The following PCDHGB6 variants were observed in gnomAD, a reference collection of about 807,000 sequenced individuals.
The protein encoded by PCDHGB6 is protocadherin gamma subfamily B, 6.
PCDHGB6 carries 51 observed loss-of-function variants against 59.1 expected under a neutral mutation model. The observed-to-expected ratio is 0.86, with a 90% CI of 0.69 to 1.09. The LOEUF (loss-of-function observed/expected upper bound fraction) is 1.09. PCDHGB6 is among the 50% of genes least tolerant of loss of function. The pLI, the probability that PCDHGB6 is intolerant of heterozygous loss-of-function variation, is 0.00. For synonymous variants in PCDHGB6, 466 were observed against 495.1 expected, an observed-to-expected ratio of 0.94 and a Z score of 0.78; for missense variants, 1,148 against 1,205.1, an observed-to-expected ratio of 0.95 and a Z score of 0.70.
intron 1 of PCDHGB6, among the ~76,000 whole-genome samples, chr5:141,475,299 T>C (rs1227132122): frequency 6.6e-6 from 1 of 152,204 alleles, no homozygotes; most frequent in Non-Finnish European, 1.5e-5. Context: ...AAATTTCTTA[T>C]TGCTCCCTGG....
intron 1 of PCDHGB6, among the ~76,000 whole-genome samples, chr5:141,457,836 C>T (rs1418402508): frequency 6.6e-6 from 1 of 152,202 alleles, no homozygotes; most frequent in African/African-American, 2.4e-5. Context: ...GCTTCCAGAC[C>T]TGTTAGAAAG....
At chr5:141,478,299 G>A (rs201916687) in intron 1 of PCDHGB6, 1 of 1,614,056 alleles carries the variant, frequency 6.2e-7, no homozygotes, top group Non-Finnish European at 8.5e-7. Flanking sequence ...GACCTATACC[G>A]AGCCCCGGTG....
At chr5:141,418,742 G>GA in intron 1 of PCDHGB6, 1 of 1,613,896 alleles carries the variant, frequency 6.2e-7, no homozygotes, top group Non-Finnish European at 8.5e-7. Flanking sequence ...GTTCTCTCTG[G>GA]ATTACACTAC....
At chr5:141,507,786 GTCTAAGCC>G (rs1279265471) in intron 3 of PCDHGB6, among the ~76,000 whole-genome samples, 1 of 152,174 alleles carries the variant, frequency 6.6e-6, no homozygotes, top group Admixed American at 6.5e-5. Flanking sequence ...CCTGACCCTC[GTCTAAGCC>G]TGCGCCCTGG....
Position 141,476,370 on chromosome 5 carries a change from A to G in PCDHGB6, c.2419-18437A>G, listed in dbSNP as rs747703594. 13 of 1,613,882 alleles carry G rather than the reference A, an allele frequency of 8.1e-6. No individual in the cohort carries two copies. In the East Asian group the frequency reaches 2.7e-4, roughly 33 times the overall value. On this transcript the variant is annotated intron_variant, in intron 1 of 3. Transcript: ENST00000520790. This position sits in a 1 kb window ranked among gnomAD's most constrained non-coding sequence, Gnocchi z 7.6. ...TTTGAGGTGAACCGGGAGACCGGAG[A>G]GATGTTTGTGAACGACCGTCTGGAT...
chr5:141,476,146 G>C lies in PCDHGB6; in HGVS notation c.2419-18661G>C. 1 of 1,611,402 alleles carries C rather than the reference G, an allele frequency of 6.2e-7. No individual in the cohort carries two copies. On this transcript the variant is annotated intron_variant, in intron 1 of 3. Transcript: ENST00000520790. This position sits in a 1 kb window ranked among gnomAD's most constrained non-coding sequence, Gnocchi z 7.6. ...TCCCAGAGGCCTGGAGGAGCGGACT[G>C]GTAAGCACCGGGAGGGTAGTGGGAG...
rs959855220 is a variant in PCDHGB6, at chr5:141,476,280, G to A, written c.2419-18527G>A. 4 of 1,614,010 alleles carry A rather than the reference G, an allele frequency of 2.5e-6. No individual in the cohort carries two copies. In the African/African-American group the frequency reaches 5.3e-5, roughly 22 times the overall value. On this transcript the variant is annotated intron_variant, in intron 1 of 3. Transcript: ENST00000520790. This position sits in a 1 kb window ranked among gnomAD's most constrained non-coding sequence, Gnocchi z 7.6. ...GTGGGCAACGTGGTCGCGAACCTTG[G>A]TTTGGATCTCGGTAGCCTCTCAGCC...
Position 141,485,449 on chromosome 5 carries a change from A to G in PCDHGB6, c.2419-9358A>G, listed in dbSNP as rs2099613844. 6.2e-7 allele frequency: 1 copy of G among 1,614,054 alleles called. No homozygotes were observed. The highest frequency in any genetic ancestry group is 2.2e-5 in the East Asian group (1 of 44,876). On this transcript the variant is annotated intron_variant, in intron 1 of 3. Coordinates refer to ENST00000520790, the MANE Select transcript of PCDHGB6 (RefSeq NM_018926.3). The surrounding 1 kb of genome is among the most constrained non-coding windows in gnomAD (Gnocchi z 5.7). ...TGCTCATCAAGAACCCAATCGACCG[A>G]GAGGCACTGTGTGGGCTCAGTGCCA...
At chr5:141,430,715 A>T in intron 1 of PCDHGB6, 1 of 1,483,384 alleles carries the variant, frequency 6.7e-7, no homozygotes, top group Non-Finnish European at 8.9e-7. Context: ...TCCTGACTTC[A>T]GTGGTTAAGG....
Position 141,414,286 on chromosome 5 carries a change from G to A in PCDHGB6, c.2418+3666G>A, listed in dbSNP as rs2095728607. ...AGATTCACCTCTGGGAACAGTCGTA[G>A]CCCTTTTAAATGTGCATGATTTAGA... On this transcript the variant is annotated intron_variant, in intron 1 of 3. Coordinates refer to ENST00000520790, the MANE Select transcript of PCDHGB6 (RefSeq NM_018926.3). 1.9e-6 allele frequency: 3 copies of A among 1,613,586 alleles called. No individual in the cohort carries two copies. The highest frequency in any genetic ancestry group is 2.5e-6 in the Non-Finnish European group (3 of 1,179,770).
intron 1 of PCDHGB6, among the ~76,000 whole-genome samples, chr5:141,435,500 A>G (rs896915416): frequency 6.6e-6 from 1 of 152,176 alleles, no homozygotes; most frequent in African/African-American, 2.4e-5. Context: ...TCCTACACTA[A>G]TGATACTAAT....
At chr5:141,474,241 G>A (rs1367530484) in intron 1 of PCDHGB6, among the ~76,000 whole-genome samples, 8 of 151,928 alleles carry the variant, frequency 5.3e-5, no homozygotes, top group East Asian at 1.9e-4. Context: ...TGCTGAATAG[G>A]GGAAAAAAAG....
chr5:141,459,862 C>T (rs931723906), intron 1 of PCDHGB6, among the ~76,000 whole-genome samples: 3 of 152,158 alleles, frequency 2.0e-5, no homozygotes, highest in East Asian at 1.9e-4. Context: ...TTGAAGCATT[C>T]GTTCATCTTT....
At chr5:141,458,132 G>C (rs2098938269) in intron 1 of PCDHGB6, among the ~76,000 whole-genome samples, 1 of 152,218 alleles carries the variant, frequency 6.6e-6, no homozygotes, top group South Asian at 2.1e-4. Flanking sequence ...GAACCAGGCA[G>C]AGAAAAATGA....
At chr5:141,427,970 C>G in intron 1 of PCDHGB6, 1 of 1,592,510 alleles carries the variant, frequency 6.3e-7, no homozygotes. Context: ...GGGTGCTGTA[C>G]CCCGCGCTGG....
chr5:141,498,930 C>T (rs2099786911), intron 2 of PCDHGB6, among the ~76,000 whole-genome samples: 1 of 121,364 alleles, frequency 8.2e-6, no homozygotes, highest in Non-Finnish European at 1.6e-5. Flanking sequence ...GAGACTCCAT[C>T]AGGAAAGAAA....
rs1306500688 is a variant in PCDHGB6 at position 141,491,142 on chromosome 5, A to T, written c.2419-3665A>T. ...GTGAGGTGCGCACAGCCCGGGCCTTACTGGAGGATGACTCTGACACCCAGC... is the reference window on the plus strand; with the variant it reads ...GTGAGGTGCGCACAGCCCGGGCCTTTCTGGAGGATGACTCTGACACCCAGC... On this transcript the variant is annotated intron_variant, in intron 1 of 3. Coordinates refer to ENST00000520790, the MANE Select transcript of PCDHGB6 (RefSeq NM_018926.3). This position sits in a 1 kb window ranked among gnomAD's most constrained non-coding sequence, Gnocchi z 6.9. 6.2e-7 allele frequency: 1 copy of T among 1,614,090 alleles called. No homozygotes were observed. Among genetic ancestry groups the T allele is most frequent in the Non-Finnish European group, 8.5e-7 (1 of 1,179,976 alleles).
intron 2 of PCDHGB6, among the ~76,000 whole-genome samples, chr5:141,496,008 C>CT (rs1468405718): frequency 2.0e-5 from 3 of 151,956 alleles, no homozygotes; most frequent in Non-Finnish European, 4.4e-5. Flanking sequence ...TTTATCTTGT[C>CT]TTTTTTCTCT....
chr5:141,411,765 T>A (rs796485295), intron 1 of PCDHGB6: 1 of 152,418 alleles, frequency 6.6e-6, no homozygotes, highest in South Asian at 2.1e-4. Context: ...GCCTGTGGTC[T>A]CAGCTACTCT....
Sources: allele counts gnomAD v4.1 joint callset (sites outside exome capture counted in the v4.1 genomes callset), GRCh38; gene constraint gnomAD v4.1.1; non-coding constraint Gnocchi (gnomAD v3.1); transcripts MANE v1.5; gene names NCBI Gene and HGNC (gene_info 2026-07-23, HGNC 2026-07-21).